TMEM132D: variants seen among roughly 807,000 people sequenced by gnomAD.
The protein encoded by TMEM132D is mature OL transmembrane protein.
Under a neutral mutation model 62.3 loss-of-function variants are expected in TMEM132D, and 21 were observed. The ratio of observed to expected loss-of-function variants is 0.34; its 90% CI spans 0.24 to 0.49. The LOEUF (loss-of-function observed/expected upper bound fraction) is 0.49, where lower values mean the gene tolerates loss of function less well. Ranked by LOEUF, TMEM132D falls within the 20% of genes least tolerant of loss-of-function variation. The pLI is 0.99. For synonymous variants in TMEM132D, 621 were observed against 575.6 expected (o/e 1.08, Z -1.13); for missense variants, 1,346 against 1,402.8 (o/e 0.96, Z 0.65).
At chr12:129,383,931 G>A (rs1871029501) in intron 3 of TMEM132D, among the ~76,000 whole-genome samples, 3 of 152,330 alleles carry the variant, frequency 2.0e-5, no homozygotes, top group Admixed American at 6.5e-5. Flanking sequence ...GACCCGGAAT[G>A]AGGAACACTG....
intron 1 of TMEM132D, among the ~76,000 whole-genome samples, chr12:129,786,114 C>G (rs1382161852): frequency 6.6e-6 from 1 of 152,138 alleles, no homozygotes; most frequent in African/African-American, 2.4e-5. Context: ...CTTCCACCCC[C>G]CAGGCCTGGG....
rs1565954567 is a variant in TMEM132D, at chr12:129,700,833, C to T, written c.80-135G>A. 4 of 1,004,810 alleles carry T rather than the reference C, an allele frequency of 4.0e-6. No individual in the cohort carries two copies. The East Asian group carries it at 1.1e-4, about 27-fold the overall frequency. The allele number at this position is 1,004,810 out of a possible 1,614,324, so 62.2% of individuals were successfully genotyped here. ...ATTATGCAATTCCTTATCCAAACCT[C>T]TTAATCCAATCTACTCGCTTCATAT... On this transcript the variant is annotated intron_variant, in intron 1 of 8. Transcript: ENST00000422113.
chr12:129,155,270 C>T (rs764067978), intron 5 of TMEM132D, among the ~76,000 whole-genome samples: 1 of 152,178 alleles, frequency 6.6e-6, no homozygotes, highest in Non-Finnish European at 1.5e-5. Flanking sequence ...CAGGTTGGTG[C>T]GATCTGTACC....
intron 1 of TMEM132D, among the ~76,000 whole-genome samples, chr12:129,784,659 G>C (rs989461954): frequency 6.6e-6 from 1 of 152,102 alleles, no homozygotes; most frequent in Non-Finnish European, 1.5e-5. Flanking sequence ...TTTGAAGTCT[G>C]TTCGGTTGAA....
intron 2 of TMEM132D, among the ~76,000 whole-genome samples, chr12:129,623,994 C>A (rs1412561587): frequency 6.6e-6 from 1 of 152,070 alleles, no homozygotes; most frequent in Non-Finnish European, 1.5e-5. Context: ...TCCATCTTAA[C>A]CCTAGCGCAC....
At chr12:129,805,217 A>G (rs1871939726) in intron 1 of TMEM132D, among the ~76,000 whole-genome samples, 1 of 152,056 alleles carries the variant, frequency 6.6e-6, no homozygotes, top group Non-Finnish European at 1.5e-5. Context: ...GAACCAAAAA[A>G]GAGCCCGCAT....
At chr12:129,843,837 C>T (rs1001315111) in intron 1 of TMEM132D, among the ~76,000 whole-genome samples, 5 of 152,070 alleles carry the variant, frequency 3.3e-5, no homozygotes, top group African/African-American at 1.2e-4. Flanking sequence ...GCTTATAATT[C>T]CAGCACCTTG....
intron 2 of TMEM132D, among the ~76,000 whole-genome samples, chr12:129,583,759 C>G (rs1049362096): frequency 2.0e-5 from 3 of 152,128 alleles, no homozygotes; most frequent in African/African-American, 4.8e-5. Context: ...ACATAAATGG[C>G]GAGAAAGCAT....
At chr12:129,554,674 T>C (rs1403136362) in intron 2 of TMEM132D, among the ~76,000 whole-genome samples, 1 of 152,206 alleles carries the variant, frequency 6.6e-6, no homozygotes, top group African/African-American at 2.4e-5. Context: ...CTTGTTGAAC[T>C]GGATATTTTC....
At chr12:129,733,988 T>G (rs1208802028) in intron 1 of TMEM132D, among the ~76,000 whole-genome samples, 1 of 152,182 alleles carries the variant, frequency 6.6e-6, no homozygotes. Context: ...AACTAGAAGA[T>G]GAAGAAATGG....
chr12:129,571,790 C>T (rs1417804604), intron 2 of TMEM132D, among the ~76,000 whole-genome samples: 4 of 151,934 alleles, frequency 2.6e-5, no homozygotes, highest in African/African-American at 9.7e-5. Context: ...GAAGAAAGTA[C>T]ACACTAACTT....
At chr12:129,799,789 C>G (rs904027368) in intron 1 of TMEM132D, among the ~76,000 whole-genome samples, 1 of 152,128 alleles carries the variant, frequency 6.6e-6, no homozygotes, top group African/African-American at 2.4e-5. Flanking sequence ...AGGGAGACTC[C>G]TCCCCCACAG....
At chr12:129,398,963 C>T (rs988121611) in intron 3 of TMEM132D, among the ~76,000 whole-genome samples, 4 of 152,124 alleles carry the variant, frequency 2.6e-5, no homozygotes, top group African/African-American at 9.7e-5. Flanking sequence ...CTATTTGGCT[C>T]ATGGTTCCAG....
intron 2 of TMEM132D, among the ~76,000 whole-genome samples, chr12:129,537,517 T>G (rs1300198282): frequency 6.6e-6 from 1 of 152,196 alleles, no homozygotes; most frequent in Non-Finnish European, 1.5e-5. Context: ...GGGGCTTAAA[T>G]GCTCCTGCCA....
At chr12:129,190,228 A>G (rs111964329) in intron 5 of TMEM132D, among the ~76,000 whole-genome samples, 14 of 42,564 alleles carry the variant, frequency 3.3e-4, no homozygotes, top group Admixed American at 5.3e-4. Context: ...GGAGGGAGGG[A>G]GTCTCAGGCC....
intron 1 of TMEM132D, among the ~76,000 whole-genome samples, chr12:129,737,964 A>T (rs912970534): frequency 6.6e-6 from 1 of 152,236 alleles, no homozygotes; most frequent in Non-Finnish European, 1.5e-5. Context: ...TACAATTATA[A>T]TTAAAAATCT....
intron 4 of TMEM132D, among the ~76,000 whole-genome samples, chr12:129,317,331 G>A (rs553749578): frequency 4.5e-4 from 68 of 152,274 alleles, no homozygotes; most frequent in African/African-American, 1.4e-3. Flanking sequence ...TTGTAGTGGT[G>A]GCTTGGTAAT....
At chr12:129,256,724 T>C (rs77039957) in intron 4 of TMEM132D, among the ~76,000 whole-genome samples, 1 of 152,086 alleles carries the variant, frequency 6.6e-6, no homozygotes, top group Non-Finnish European at 1.5e-5. Context: ...GTCTAGCTAA[T>C]TTTTGTATTT....
Position 129,524,499 on chromosome 12 carries a change from T to C in TMEM132D, c.1115+6560A>G, listed in dbSNP as rs536301097. ...TAATTGCTGCATAAAATTTATTACA[T>C]GAACACAACTTTTTAAAATTAATTC... On this transcript the variant is annotated intron_variant, in intron 3 of 8. Coordinates refer to ENST00000422113, the MANE Select transcript of TMEM132D (RefSeq NM_133448.3). Among the ~76,000 whole-genome samples the C allele has an allele frequency of 1.2e-4, 18 of 152,314 alleles. 1 individual carries two copies. The East Asian group carries it at 3.5e-3, about 29-fold the overall frequency.
Sources: allele counts gnomAD v4.1 joint callset (sites outside exome capture counted in the v4.1 genomes callset), GRCh38; gene constraint gnomAD v4.1.1; transcripts MANE v1.5; gene names NCBI Gene and HGNC (gene_info 2026-07-23, HGNC 2026-07-21).